Variants in OPCML observed in about 807,000 individuals in gnomAD.
OPCML encodes the protein opioid binding protein/cell adhesion molecule like, also known as opioid-binding protein/cell adhesion molecule.
OPCML carries 13 observed loss-of-function variants against 37.8 expected under a neutral mutation model. The observed-to-expected ratio is 0.34, with a 90% CI of 0.22 to 0.55. The LOEUF is 0.55. OPCML is among the 20% of genes least tolerant of loss of function. The probability of loss-of-function intolerance (pLI) is 0.91; values close to 1 mark genes in which losing one functional copy is unlikely to be tolerated. For missense variants in OPCML, 341 were observed against 435.6 expected (o/e 0.78, Z 1.93); for synonymous variants, 176 against 168.8 (o/e 1.04, Z -0.33).
chr11:132,430,290 G>T (rs2095992186), intron 7 of OPCML, among the ~76,000 whole-genome samples: 2 of 152,132 alleles, frequency 1.3e-5, no homozygotes, highest in Non-Finnish European at 1.5e-5. Flanking sequence ...AGATGGAGGG[G>T]GAAGAGGAGG....
intron 1 of OPCML, among the ~76,000 whole-genome samples, chr11:133,014,832 C>T (rs1473872588): frequency 6.6e-6 from 1 of 152,244 alleles, no homozygotes; most frequent in Non-Finnish European, 1.5e-5. Context: ...CAAGCCCTCT[C>T]TCTCTTCTCC....
chr11:132,866,815 T>G (rs143586062), intron 2 of OPCML, among the ~76,000 whole-genome samples: 1 of 152,364 alleles, frequency 6.6e-6, no homozygotes, highest in East Asian at 1.9e-4. Context: ...TCAGGAAACT[T>G]AAGCAACTTT....
At position 132,419,981 on chromosome 11, in the gene OPCML, A is replaced by C. The variant is rs1592147171; in HGVS notation, c.*212T>G. 1.9e-6 allele frequency: 1 copy of C among 539,756 alleles called. No homozygotes were observed. Among genetic ancestry groups the C allele is most frequent in the East Asian group, 3.2e-5 (1 of 31,696 alleles). 33.4% of individuals were successfully genotyped at this position (539,756 alleles called of 1,614,324 possible). A position where few individuals can be genotyped will look rare whatever the true frequency, so the allele number is the denominator to read the frequency against. On this transcript the variant is annotated 3_prime_UTR_variant, in exon 8 of 8. Coordinates refer to ENST00000524381, the MANE Select transcript of OPCML (RefSeq NM_001012393.5). ...ACACACCAATGAATGATTATCCTAC[A>C]CGTGGTAGAACCCTGCCCACCCCGC... is the stretch of plus-strand genomic sequence containing the variant.
At chr11:133,191,902 C>T (rs1350788254) in intron 1 of OPCML, among the ~76,000 whole-genome samples, 1 of 152,096 alleles carries the variant, frequency 6.6e-6, no homozygotes. Flanking sequence ...TTTAAATGGG[C>T]AAGGCTTTTG....
At chr11:132,599,420 AGGAAGAAG>A (rs1937689986) in intron 3 of OPCML, among the ~76,000 whole-genome samples, 3 of 91,758 alleles carry the variant, frequency 3.3e-5, no homozygotes, top group Non-Finnish European at 7.1e-5. Context: ...AGGAAGAAGG[AGGAAGAAG>A]GTGGAGGAGA....
chr11:133,043,981 G>A (rs530983756), intron 1 of OPCML, among the ~76,000 whole-genome samples: 41 of 152,344 alleles, frequency 2.7e-4, no homozygotes, highest in African/African-American at 9.9e-4. Flanking sequence ...GACAATAACT[G>A]TTCTCACTAG....
intron 1 of OPCML, chr11:133,006,147 A>T: frequency 1.0e-6 from 1 of 981,832 alleles, no homozygotes; most frequent in Non-Finnish European, 1.2e-6. Flanking sequence ...TCCCTGGAGA[A>T]GCTCCAACCT....
intron 1 of OPCML, among the ~76,000 whole-genome samples, chr11:133,407,832 C>T (rs936943984): frequency 6.6e-6 from 1 of 152,178 alleles, no homozygotes; most frequent in Non-Finnish European, 1.5e-5. Context: ...CCCCAGACCT[C>T]CTGCACCAGG....
rs369618085 is a variant in OPCML, at chr11:133,490,460, G to A, written c.61+41804C>T. Among the ~76,000 whole-genome samples the A allele has an allele frequency of 1.6e-4, 25 of 152,238 alleles. 1 individual carries two copies. The East Asian group carries it at 3.7e-3, about 22-fold the overall frequency. On this transcript the variant is annotated intron_variant, in intron 1 of 7. Transcript: ENST00000524381. Reference sequence around the variant, plus strand: ...GATACAGCCATCAGTGAAGCATGTGGAGGCCCAGGATGGCAGGCAAGGTCA... The same window carrying A: ...GATACAGCCATCAGTGAAGCATGTGAAGGCCCAGGATGGCAGGCAAGGTCA...
rs1565469132 is a variant in OPCML, at chr11:133,141,035, AC to A, written c.62-198026del. ...GACGACGACGACGACGACGACGACG[AC>A]GACGACGACGACGAAGAAGAAGAAG... On this transcript the variant is annotated intron_variant, in intron 1 of 7. Transcript: ENST00000524381. Among the ~76,000 whole-genome samples the A allele has an allele frequency of 4.3e-4, 13 of 30,108 alleles. 4 individuals are homozygous for A. The highest frequency in any genetic ancestry group is 8.2e-4 in the African/African-American group (13 of 15,864). 19.8% of individuals were successfully genotyped at this position (30,108 alleles called of 152,430 possible). A position where few individuals can be genotyped will look rare whatever the true frequency, so the allele number is the denominator to read the frequency against.
At chr11:132,550,337 A>G (rs4245107) in intron 3 of OPCML, among the ~76,000 whole-genome samples, 99,237 of 151,984 alleles carry the variant, frequency 0.65, 35,177 homozygotes, top group East Asian at 0.99. Flanking sequence ...TCTCATGAAT[A>G]GTTTAGCGCC....
chr11:133,168,117 T>C (rs555249625), intron 1 of OPCML, among the ~76,000 whole-genome samples: 1 of 152,334 alleles, frequency 6.6e-6, no homozygotes, highest in African/African-American at 2.4e-5. Flanking sequence ...AGGAGAAGAA[T>C]TGGAAGGCTT....
At chr11:132,421,295 G>T (rs906216237) in intron 7 of OPCML, among the ~76,000 whole-genome samples, 2 of 152,138 alleles carry the variant, frequency 1.3e-5, no homozygotes, top group African/African-American at 4.8e-5. Flanking sequence ...AAGCCATTAC[G>T]AGGCATTTCT....
At chr11:133,375,678 G>A (rs1388681470) in intron 1 of OPCML, among the ~76,000 whole-genome samples, 1 of 151,964 alleles carries the variant, frequency 6.6e-6, no homozygotes, top group South Asian at 2.1e-4. Context: ...GTCCTTATTT[G>A]AGCTGCTGCT....
At chr11:132,440,453 G>T (rs2096028811) in intron 4 of OPCML, among the ~76,000 whole-genome samples, 1 of 152,096 alleles carries the variant, frequency 6.6e-6, no homozygotes, top group Admixed American at 6.5e-5. Context: ...CCCCCACCCT[G>T]AGCAGTGAAG....
intron 2 of OPCML, among the ~76,000 whole-genome samples, chr11:132,716,659 T>C (rs577957114): frequency 5.9e-5 from 9 of 152,332 alleles, no homozygotes; most frequent in East Asian, 3.9e-4. Context: ...CTTTAATACA[T>C]AGTTTTTACA....
chr11:133,253,341 G>C (rs1209541877), intron 1 of OPCML, among the ~76,000 whole-genome samples: 2 of 151,984 alleles, frequency 1.3e-5, no homozygotes, highest in Non-Finnish European at 2.9e-5. Flanking sequence ...ACAGAATCTT[G>C]CTCTGTCACC....
intron 1 of OPCML, among the ~76,000 whole-genome samples, chr11:133,207,191 T>A (rs1939110447): frequency 6.7e-6 from 1 of 149,292 alleles, no homozygotes; most frequent in East Asian, 2.0e-4. Flanking sequence ...TCCCAGCTAC[T>A]CGGGAGGCTG....
chr11:133,127,943 G>A lies in OPCML; in HGVS notation c.62-184933C>T, dbSNP rs549934782. On this transcript the variant is annotated intron_variant, in intron 1 of 7. Coordinates refer to ENST00000524381, the MANE Select transcript of OPCML (RefSeq NM_001012393.5). ...AGAAGACGGGATGATTATGCGCTTT[G>A]TTCCGCATATGGAAGACAATGTGGT... Among the ~76,000 whole-genome samples the A allele has an allele frequency of 3.5e-4, 54 of 152,180 alleles. 1 individual carries two copies. Among genetic ancestry groups the A allele is most frequent in the Non-Finnish European group, 6.5e-4 (44 of 68,008 alleles).
Sources: gnomAD v4.1 joint callset for allele counts (sites outside exome capture counted in the v4.1 genomes callset) on GRCh38, gnomAD v4.1.1 for gene constraint, MANE v1.5 for transcripts, NCBI Gene and HGNC (gene_info 2026-07-23, HGNC 2026-07-21) for gene names.